GSE1: variants seen among roughly 807,000 people sequenced by gnomAD.
The protein encoded by GSE1 is genetic suppressor element 1.
A neutral mutation model predicts 112.6 loss-of-function variants in GSE1; 32 were observed. The observed-to-expected ratio is 0.28, with a 90% confidence interval of 0.21 to 0.38. The LOEUF (loss-of-function observed/expected upper bound fraction) is 0.38, where lower values mean the gene tolerates loss of function less well. Among genes scored for constraint, GSE1 ranks in the 10% least tolerant of loss-of-function variants. The pLI, the probability that GSE1 is intolerant of heterozygous loss-of-function variation, is 1.00. For synonymous variants in GSE1, 1,115 were observed against 735.6 expected (o/e 1.52, Z -8.35); for missense variants, 2,348 against 1,699.2 (o/e 1.38, Z -6.71).
intron 1 of GSE1, among the ~76,000 whole-genome samples, chr16:85,580,643 C>T (rs772716333): frequency 6.6e-6 from 1 of 152,196 alleles, no homozygotes; most frequent in Non-Finnish European, 1.5e-5. Flanking sequence ...TGTTTGTGCT[C>T]CCCCAAATTC....
chr16:85,203,486 A>G (rs2075065045), intron 1 of GSE1, among the ~76,000 whole-genome samples: 1 of 152,022 alleles, frequency 6.6e-6, no homozygotes, highest in Admixed American at 6.6e-5. Context: ...ATGGAGGGAG[A>G]CCCTGCTCGC....
At chr16:85,560,413 G>A (rs924902924) in intron 1 of GSE1, among the ~76,000 whole-genome samples, 12 of 152,054 alleles carry the variant, frequency 7.9e-5, no homozygotes, top group South Asian at 4.1e-4. Flanking sequence ...GTGAGCCACC[G>A]CACCTGGCCA....
intron 1 of GSE1, among the ~76,000 whole-genome samples, chr16:85,331,549 A>G (rs1260135402): frequency 1.0e-5 from 1 of 95,358 alleles, no homozygotes; most frequent in Non-Finnish European, 2.0e-5. Flanking sequence ...ATATGTGTGT[A>G]TATATGTGTA....
At chr16:85,367,133 C>T (rs1374452983) in intron 2 of GSE1, among the ~76,000 whole-genome samples, 1 of 152,236 alleles carries the variant, frequency 6.6e-6, no homozygotes, top group East Asian at 1.9e-4. Flanking sequence ...CCAGGGACCT[C>T]GGCTGGTCCG....
At chr16:85,399,120 A>G (rs935262404) in intron 2 of GSE1, among the ~76,000 whole-genome samples, 9 of 152,142 alleles carry the variant, frequency 5.9e-5, no homozygotes, top group African/African-American at 1.7e-4. Flanking sequence ...GAGGATGCAT[A>G]GGATTGCACA....
intron 2 of GSE1, among the ~76,000 whole-genome samples, chr16:85,519,078 C>T (rs1028158467): frequency 6.6e-6 from 1 of 152,208 alleles, no homozygotes; most frequent in Non-Finnish European, 1.5e-5. Context: ...CTCCTCTGGA[C>T]AAGTGGAGTA....
chr16:85,241,578 ACT>A (rs1045038842), intron 1 of GSE1, among the ~76,000 whole-genome samples: 1 of 145,600 alleles, frequency 6.9e-6, no homozygotes, highest in African/African-American at 2.5e-5. Flanking sequence ...CTCTGAATAA[ACT>A]CTGTCAATTA....
At chr16:85,528,626 G>A (rs1030371420) in intron 2 of GSE1, among the ~76,000 whole-genome samples, 2 of 150,280 alleles carry the variant, frequency 1.3e-5, no homozygotes, top group South Asian at 2.2e-4. Flanking sequence ...GCACCCAGCC[G>A]TGGATTGCTG....
chr16:85,210,047 C>T (rs1266234040), intron 1 of GSE1, among the ~76,000 whole-genome samples: 1 of 152,168 alleles, frequency 6.6e-6, no homozygotes, highest in Non-Finnish European at 1.5e-5. Context: ...ATTAGCATAC[C>T]AAAAAGATGG....
intron 1 of GSE1, among the ~76,000 whole-genome samples, chr16:85,602,792 GGC>G (rs2047523316): frequency 6.6e-6 from 1 of 152,246 alleles, no homozygotes; most frequent in Non-Finnish European, 1.5e-5. Flanking sequence ...CTGGTGTCCA[GGC>G]TCAGCAGGTG....
chr16:85,199,544 C>T (rs930453024), intron 1 of GSE1, among the ~76,000 whole-genome samples: 11 of 152,206 alleles, frequency 7.2e-5, no homozygotes, highest in Non-Finnish European at 1.6e-4. Context: ...GGCGCATCGG[C>T]TTAGCTGCGA....
At chr16:85,654,643 C>T (rs367998109) in intron 4 of GSE1, 151 bp from the exon 5 acceptor site, 83 of 712,990 alleles carry the variant, frequency 1.2e-4, no homozygotes, top group East Asian at 7.9e-4. Context: ...GCTCGCTCCC[C>T]CCGCTGCTTA....
intron 1 of GSE1, among the ~76,000 whole-genome samples, chr16:85,302,771 T>C (rs780969007): frequency 6.6e-6 from 1 of 152,020 alleles, no homozygotes; most frequent in Non-Finnish European, 1.5e-5. Context: ...CTCCAGGAGG[T>C]CAATTCTTGG....
At chr16:85,475,658 C>T (rs958195310) in intron 2 of GSE1, among the ~76,000 whole-genome samples, 3 of 151,996 alleles carry the variant, frequency 2.0e-5, no homozygotes, top group Non-Finnish European at 4.4e-5. Flanking sequence ...GTCCAGGGGT[C>T]GAGGCCTGAA....
chr16:85,474,211 G>A (rs12931110), intron 2 of GSE1, among the ~76,000 whole-genome samples: 120,600 of 152,052 alleles, frequency 0.79, 50,684 homozygotes, highest in Non-Finnish European at 0.92. Context: ...GGACAGAGAA[G>A]GGGGGCAGAG....
At chr16:85,632,098 G>C (rs1231405302) in intron 1 of GSE1, among the ~76,000 whole-genome samples, 1 of 152,202 alleles carries the variant, frequency 6.6e-6, no homozygotes, top group Non-Finnish European at 1.5e-5. Flanking sequence ...TTGGATGTCT[G>C]TGCCGGGTTG....
intron 1 of GSE1, among the ~76,000 whole-genome samples, chr16:85,199,219 A>G (rs1406889616): frequency 6.6e-6 from 1 of 151,982 alleles, no homozygotes; most frequent in African/African-American, 2.4e-5. Context: ...GGCTTCTCAG[A>G]GTGCTGGAAT....
At chr16:85,657,215 C>G (rs912782395) in intron 7 of GSE1, 62 bp from the exon 8 acceptor site, 2 of 1,166,482 alleles carry the variant, frequency 1.7e-6, no homozygotes, top group Non-Finnish European at 2.4e-6. Context: ...TGAGAGAGGA[C>G]GGGGAGGGAG....
chr16:85,659,510 AT>A (rs1324214427), intron 8 of GSE1: 14 of 152,240 alleles, frequency 9.2e-5, no homozygotes, highest in African/African-American at 3.4e-4. Flanking sequence ...CAGCACAAAT[AT>A]GGTGACCTCC....
Sources: gnomAD v4.1 joint callset for allele counts (sites outside exome capture counted in the v4.1 genomes callset) on GRCh38, gnomAD v4.1.1 for gene constraint, MANE v1.5 for transcripts, NCBI Gene and HGNC (gene_info 2026-07-23, HGNC 2026-07-21) for gene names.